IKZF2: variants seen among roughly 807,000 people sequenced by gnomAD.
IKZF2 encodes zinc finger protein Helios.
A neutral mutation model predicts 49.2 loss-of-function variants in IKZF2; 15 were observed. The observed-to-expected ratio is 0.30, with a 90% confidence interval of 0.20 to 0.47. The LOEUF is 0.47. Among genes scored for constraint, IKZF2 ranks in the 20% least tolerant of loss-of-function variants. IKZF2 has a pLI of 1.00. For synonymous variants in IKZF2, 227 were observed against 221.4 expected (o/e 1.03, Z -0.23); for missense variants, 567 against 664.6 (o/e 0.85, Z 1.61).
Position 213,007,257 on chromosome 2 carries a change from AT to A in IKZF2, c.*102del, listed in dbSNP as rs1175700506. ...ATCAACAGTAATAATATTAAAAAAA[AT>A]AAAAGGTATGTCAACATTTGAGGAA... On this transcript the variant is annotated 3_prime_UTR_variant, in exon 9 of 9. Coordinates refer to ENST00000434687, the MANE Select transcript of IKZF2 (RefSeq NM_001387220.1). The A allele has an allele frequency of 1.7e-5, 21 of 1,264,306 alleles. No homozygotes were observed. In the East Asian group the frequency reaches 1.9e-4, roughly 11 times the overall value. The allele number at this position is 1,264,306 out of a possible 1,614,324, so 78.3% of individuals were successfully genotyped here. A position where few individuals can be genotyped will look rare whatever the true frequency, so the allele number is the denominator to read the frequency against.
chr2:213,117,666 C>G (rs1035394706), intron 4 of IKZF2, among the ~76,000 whole-genome samples: 1 of 152,194 alleles, frequency 6.6e-6, no homozygotes, highest in Admixed American at 6.5e-5. Flanking sequence ...GCATTTATTG[C>G]CACTTGCACC....
At chr2:213,122,285 G>GT (rs1200620856) in intron 4 of IKZF2, among the ~76,000 whole-genome samples, 1 of 152,198 alleles carries the variant, frequency 6.6e-6, no homozygotes, top group Non-Finnish European at 1.5e-5. Flanking sequence ...GTAAAATGCT[G>GT]TAATATCTTA....
At chr2:213,045,869 A>G (rs1489828107) in intron 6 of IKZF2, among the ~76,000 whole-genome samples, 2 of 152,220 alleles carry the variant, frequency 1.3e-5, no homozygotes, top group Non-Finnish European at 2.9e-5. Flanking sequence ...GGTAATCCAC[A>G]GGCTGTCCAT....
At chr2:213,042,438 G>T (rs1406645056) in intron 6 of IKZF2, among the ~76,000 whole-genome samples, 1 of 152,130 alleles carries the variant, frequency 6.6e-6, no homozygotes, top group Admixed American at 6.6e-5. Context: ...TGGTACGTCC[G>T]AGTATACTTC....
At chr2:213,124,885 C>G (rs1003607978) in intron 4 of IKZF2, among the ~76,000 whole-genome samples, 2 of 152,188 alleles carry the variant, frequency 1.3e-5, no homozygotes, top group Non-Finnish European at 2.9e-5. Flanking sequence ...TATCTATTCC[C>G]TTATACCTCA....
At position 213,005,331 on chromosome 2, in the gene IKZF2, T is replaced by G. The variant is rs1695262426; in HGVS notation, c.*2029A>C. Reference sequence around the variant, plus strand: ...TCTGTTTTGGTGCATTCCCTTAGATTTAAAGGGGGCAGTTTGGACATTTTC... The same window carrying G: ...TCTGTTTTGGTGCATTCCCTTAGATGTAAAGGGGGCAGTTTGGACATTTTC... On this transcript the variant is annotated 3_prime_UTR_variant, in exon 9 of 9. Coordinates refer to ENST00000434687, the MANE Select transcript of IKZF2 (RefSeq NM_001387220.1). 6.6e-6 allele frequency: 1 copy of G among 151,802 alleles called. No homozygotes were observed. Among genetic ancestry groups the G allele is most frequent in the Non-Finnish European group, 1.5e-5 (1 of 67,916 alleles). The allele number at this position is 151,802 out of a possible 1,614,324, so 9.4% of individuals were successfully genotyped here.
At chr2:213,082,097 G>C (rs1338230051) in intron 4 of IKZF2, among the ~76,000 whole-genome samples, 1 of 152,176 alleles carries the variant, frequency 6.6e-6, no homozygotes, top group Non-Finnish European at 1.5e-5. Context: ...ACCCAATAGT[G>C]ATGAAATATC....
intron 7 of IKZF2, among the ~76,000 whole-genome samples, chr2:213,019,270 G>A (rs1696942289): frequency 6.6e-6 from 1 of 152,098 alleles, no homozygotes; most frequent in Non-Finnish European, 1.5e-5. Context: ...GGAGCTAATG[G>A]CAACCAAAAT....
chr2:213,127,185 A>G (rs966940150), intron 4 of IKZF2, among the ~76,000 whole-genome samples: 2 of 152,198 alleles, frequency 1.3e-5, no homozygotes, highest in African/African-American at 4.8e-5. Context: ...TTCATTAGCT[A>G]TGAAAACTGT....
intron 4 of IKZF2, among the ~76,000 whole-genome samples, chr2:213,071,671 A>G (rs1447141679): frequency 6.6e-6 from 1 of 152,112 alleles, no homozygotes; most frequent in African/African-American, 2.4e-5. Context: ...ATTGGGAAGA[A>G]GAAAGGCTCA....
Position 213,056,988 on chromosome 2 carries a change from A to G in IKZF2, c.251T>C (p.Leu84Pro). Residue 84 changes from leucine (L) to proline (P), a missense_variant, in exon 5 of 9, where the codon CTA (leucine) becomes CCA (proline). Coordinates refer to ENST00000434687, the MANE Select transcript of IKZF2 (RefSeq NM_001387220.1). Reference protein sequence around the residue: ...HDEGSSLEEPLIESSEVADNR... With the variant: ...HDEGSSLEEPPIESSEVADNR... ...GTCAGCCACCTCGCTGCTCTCAATT[A>G]GGGGTTCTTCTAGGCTGCTACCCTC... 6.2e-7 allele frequency: 1 copy of G among 1,613,812 alleles called. No homozygotes were observed. Among genetic ancestry groups the G allele is most frequent in the Non-Finnish European group, 8.5e-7 (1 of 1,179,870 alleles).
intron 4 of IKZF2, among the ~76,000 whole-genome samples, chr2:213,088,492 C>T (rs1704924474): frequency 6.6e-6 from 1 of 152,168 alleles, no homozygotes; most frequent in South Asian, 2.1e-4. Flanking sequence ...GGCACAGTGG[C>T]TCACACCTGT....
intron 8 of IKZF2, among the ~76,000 whole-genome samples, chr2:213,012,872 T>G (rs9808128): frequency 0.56 from 85,297 of 151,856 alleles, 24,775 homozygotes; most frequent in East Asian, 0.81. Flanking sequence ...TGTTTGAATA[T>G]TTTTATCCTA....
At chr2:213,075,519 A>C (rs1463406237) in intron 4 of IKZF2, among the ~76,000 whole-genome samples, 1 of 152,116 alleles carries the variant, frequency 6.6e-6, no homozygotes, top group Non-Finnish European at 1.5e-5. Context: ...GTAGAAGTTT[A>C]TTTTTTAAAG....
chr2:213,124,760 T>C (rs1232871695), intron 4 of IKZF2, among the ~76,000 whole-genome samples: 1 of 152,220 alleles, frequency 6.6e-6, no homozygotes, highest in Non-Finnish European at 1.5e-5. Context: ...GCTTTGCCTA[T>C]GTGTTTCCAA....
intron 4 of IKZF2, among the ~76,000 whole-genome samples, chr2:213,091,038 A>G (rs1032185480): frequency 2.0e-5 from 3 of 152,150 alleles, no homozygotes; most frequent in African/African-American, 7.2e-5. Context: ...ACACTACAGC[A>G]AGAACATTTT....
chr2:213,027,559 T>C (rs557169946), intron 6 of IKZF2, among the ~76,000 whole-genome samples: 1 of 152,226 alleles, frequency 6.6e-6, no homozygotes, highest in South Asian at 2.1e-4. Context: ...CTTTCTCCAG[T>C]TGGAACTGAT....
At chr2:213,063,340 T>C (rs375909354) in intron 4 of IKZF2, among the ~76,000 whole-genome samples, 1 of 151,996 alleles carries the variant, frequency 6.6e-6, no homozygotes, top group Admixed American at 6.6e-5. Flanking sequence ...CCAACAATAG[T>C]GTAGTAAAGT....
intron 4 of IKZF2, among the ~76,000 whole-genome samples, chr2:213,109,494 T>C (rs2125759580): frequency 3.8e-4 from 1 of 2,640 alleles, no homozygotes; most frequent in Middle Eastern, 0.1. Flanking sequence ...TTAGTATCAC[T>C]TTTTTTTAAC....
Sources: allele counts gnomAD v4.1 joint callset (sites outside exome capture counted in the v4.1 genomes callset), GRCh38; gene constraint gnomAD v4.1.1; transcripts MANE v1.5; gene names NCBI Gene and HGNC (gene_info 2026-07-23, HGNC 2026-07-21).